The following PGPEP1L variants were observed in gnomAD, a reference collection of about 807,000 sequenced individuals.
PGPEP1L encodes the protein pyroglutamyl-peptidase 1-like protein.
A neutral mutation model predicts 6.0 loss-of-function variants in PGPEP1L; 7 were observed. That is an observed-to-expected ratio of 1.17 (90% CI 0.66 to 2.19). PGPEP1L has a LOEUF of 2.19. Ranked by LOEUF, PGPEP1L falls within the 30% of genes most tolerant of loss-of-function variation. The pLI is 0.00. For synonymous variants in PGPEP1L, 103 were observed against 83.9 expected (o/e 1.23, Z -1.24); for missense variants, 209 against 192.5 (o/e 1.09, Z -0.51).
At chr15:99,001,310 A>T (rs2017965669) in intron 2 of PGPEP1L, 1 of 238,470 alleles carries the variant, frequency 4.2e-6, no homozygotes, top group Admixed American at 5.4e-5. Flanking sequence ...GCAAAGGACC[A>T]CATGTAAAAT....
chr15:98,970,081 C>G (rs979006845), intron 3 of PGPEP1L, among the ~76,000 whole-genome samples: 1 of 152,116 alleles, frequency 6.6e-6, no homozygotes, highest in African/African-American at 2.4e-5. Context: ...CAGAGTCTGG[C>G]TGTATCACCC....
chr15:98,993,845 AG>A lies in PGPEP1L; in HGVS notation c.-142+11583del, dbSNP rs537878030. ...AATAAAACAATTACATGAAAAAAAA[AG>A]AGAACACAAAATTGAAAAAACAAAA... On this transcript the variant is annotated intron_variant, in intron 2 of 4. Transcript: ENST00000535714. Among the ~76,000 whole-genome samples the A allele has an allele frequency of 5.6e-3, 853 of 151,094 alleles. 8 individuals carry two copies. Among genetic ancestry groups the A allele is most frequent in the Non-Finnish European group, 5.8e-3 (389 of 67,592 alleles).
chr15:98,971,007 A>G, intron 3 of PGPEP1L, 29 bp downstream of exon 3: 1 of 1,611,996 alleles, frequency 6.2e-7, no homozygotes, highest in Non-Finnish European at 8.5e-7. Context: ...CGCCAGTCCC[A>G]TGCCCCACTG....
At chr15:98,982,699 G>GTTTT (rs1567237917) in intron 2 of PGPEP1L, among the ~76,000 whole-genome samples, 1 of 73,464 alleles carries the variant, frequency 1.4e-5, no homozygotes, top group African/African-American at 3.9e-5. Flanking sequence ...TTTATCTGAG[G>GTTTT]CTTTTTTTTT....
At chr15:98,972,638 G>A (rs2017514373) in intron 2 of PGPEP1L, among the ~76,000 whole-genome samples, 1 of 151,920 alleles carries the variant, frequency 6.6e-6, no homozygotes, top group South Asian at 2.1e-4. Context: ...GGACACCATG[G>A]TGGGTGGATC....
At chr15:98,978,292 C>T (rs1179135398) in intron 2 of PGPEP1L, among the ~76,000 whole-genome samples, 1 of 152,150 alleles carries the variant, frequency 6.6e-6, no homozygotes. Flanking sequence ...TCGGGGCACC[C>T]CTGAGAGGTG....
intron 2 of PGPEP1L, among the ~76,000 whole-genome samples, chr15:98,999,822 T>C (rs150200871): frequency 1.3e-5 from 2 of 152,350 alleles, no homozygotes; most frequent in African/African-American, 4.8e-5. Context: ...CACAATGAAA[T>C]ATTATTTGTC....
intron 2 of PGPEP1L, among the ~76,000 whole-genome samples, chr15:99,002,670 G>C (rs190994323): frequency 0.056 from 8,510 of 152,188 alleles, 343 homozygotes; most frequent in African/African-American, 0.11. Flanking sequence ...GTTTTAAAAA[G>C]TGTGTGGCCT....
At position 98,968,524 on chromosome 15, in the gene PGPEP1L, T is replaced by C. The variant is rs763807969; in HGVS notation, c.383A>G (p.Gln128Arg). The C allele has an allele frequency of 6.2e-7, 1 of 1,613,630 alleles. No individual in the cohort carries two copies. Among genetic ancestry groups the C allele is most frequent in the South Asian group, 1.1e-5 (1 of 90,944 alleles). ...GACCATGGTTGAGTTTTCTTCGAAC[T>C]GGGCTCTGTGCTTGGGCTTTCCCAC... ...EEVGKPKHRA[Q>R]FEENSTMVLP... Residue 128 changes from glutamine (Q) to arginine (R), a missense_variant, in exon 5 of 5, where the codon CAG becomes CGG. By Grantham distance (43) the Gln-to-Arg change is conservative. Coordinates refer to ENST00000535714, the MANE Select transcript of PGPEP1L (RefSeq NM_001167902.2).
chr15:98,970,998 G>T (rs1402767758), intron 3 of PGPEP1L, 38 bp downstream of exon 3: 2 of 1,610,020 alleles, frequency 1.2e-6, no homozygotes, highest in African/African-American at 2.7e-5. Context: ...GCTCCACATC[G>T]CCAGTCCCAT....
chr15:98,988,109 C>T (rs764912065), intron 2 of PGPEP1L, among the ~76,000 whole-genome samples: 1 of 152,010 alleles, frequency 6.6e-6, no homozygotes, highest in Non-Finnish European at 1.5e-5. Flanking sequence ...TTTTTCATAC[C>T]CCAGTGGCAC....
At chr15:99,004,907 G>C (rs1212128069) in intron 2 of PGPEP1L, among the ~76,000 whole-genome samples, 1 of 151,522 alleles carries the variant, frequency 6.6e-6, no homozygotes, top group Non-Finnish European at 1.5e-5. Context: ...TGGCTCTCGG[G>C]GGGTGCTTCA....
intron 2 of PGPEP1L, among the ~76,000 whole-genome samples, chr15:98,983,024 T>G (rs1365313521): frequency 6.6e-6 from 1 of 152,024 alleles, no homozygotes; most frequent in Non-Finnish European, 1.5e-5. Context: ...GGCTTTCTCA[T>G]TTTAGTCAAG....
chr15:98,998,816 A>G (rs1371991188), intron 2 of PGPEP1L, among the ~76,000 whole-genome samples: 10 of 152,188 alleles, frequency 6.6e-5, no homozygotes, highest in African/African-American at 2.2e-4. Context: ...CGTCTCTACT[A>G]AATATACAAA....
intron 2 of PGPEP1L, among the ~76,000 whole-genome samples, chr15:98,973,430 G>C (rs2017526297): frequency 6.6e-6 from 1 of 152,178 alleles, no homozygotes. Flanking sequence ...ACAGCACATG[G>C]ATCATTCTCC....
intron 2 of PGPEP1L, among the ~76,000 whole-genome samples, chr15:99,004,805 TGGGG>T (rs1215172494): frequency 2.7e-4 from 41 of 151,696 alleles, no homozygotes; most frequent in African/African-American, 9.2e-4. Flanking sequence ...CAAGTGTGGG[TGGGG>T]GTGACTCTGG....
At position 98,990,933 on chromosome 15, in the gene PGPEP1L, G is replaced by A. The variant is rs537500909; in HGVS notation, c.-142+14496C>T. On this transcript the variant is annotated intron_variant, in intron 2 of 4. Coordinates refer to ENST00000535714, the MANE Select transcript of PGPEP1L (RefSeq NM_001167902.2). ...AAACCAATGAGAACAAAGATACAAC[G>A]TACCAGAATCTCTGGGACACATTTA... Among the ~76,000 whole-genome samples the A allele has an allele frequency of 1.4e-4, 21 of 152,208 alleles. 1 individual carries two copies. In the South Asian group the frequency reaches 2.1e-3, roughly 15 times the overall value.
chr15:98,982,892 G>C (rs2017688149), intron 2 of PGPEP1L, among the ~76,000 whole-genome samples: 1 of 151,540 alleles, frequency 6.6e-6, no homozygotes, highest in African/African-American at 2.4e-5. Context: ...TGTGTTTTTA[G>C]TAGACACAGG....
At chr15:98,999,900 C>T (rs781797289) in intron 2 of PGPEP1L, among the ~76,000 whole-genome samples, 19 of 152,390 alleles carry the variant, frequency 1.2e-4, no homozygotes, top group Admixed American at 3.9e-4. Context: ...GTCCTTGCAG[C>T]CCTTGCGCAC....
Sources: allele counts gnomAD v4.1 joint callset (sites outside exome capture counted in the v4.1 genomes callset), GRCh38; gene constraint gnomAD v4.1.1; transcripts MANE v1.5; gene names NCBI Gene and HGNC (gene_info 2026-07-23, HGNC 2026-07-21).